The following JRKL variants were observed in gnomAD, a reference collection of about 807,000 sequenced individuals.
JRKL encodes jerky protein homolog-like.
A neutral mutation model predicts 34.7 loss-of-function variants in JRKL; 25 were observed. The ratio of observed to expected loss-of-function variants is 0.72; its 90% confidence interval spans 0.53 to 1.01. JRKL has a LOEUF of 1.01. Among genes scored for constraint, JRKL ranks in the 50% least tolerant of loss-of-function variants. The pLI is 0.00. For missense variants in JRKL, 495 were observed against 615.7 expected (o/e 0.80, Z 2.07); for synonymous variants, 204 against 212.8 (o/e 0.96, Z 0.36).
chr11:96,391,498 G>T lies in JRKL; in HGVS notation c.849G>T (p.Leu283Phe), dbSNP rs1471534302. 3 of 1,552,364 alleles carry T rather than the reference G, an allele frequency of 1.9e-6. No individual in the cohort carries two copies. The highest frequency in any genetic ancestry group is 2.6e-6 in the Non-Finnish European group (3 of 1,147,208). ...GAGAGTATTTAAGATCTAAAGGCTT[G>T]CAGGAAAAGGCTGTGCTCTTGTTGG... is the stretch of plus-strand genomic sequence containing the variant. Reference protein sequence around the residue: ...QVREYLRSKGLQEKAVLLLDN... With the variant: ...QVREYLRSKGFQEKAVLLLDN... Residue 283 changes from leucine to phenylalanine, a missense_variant, in exon 2 of 2, where the codon TTG becomes TTT. Transcript: ENST00000332349.
rs540142504 is a variant in JRKL at position 96,392,819 on chromosome 11, A to T, written c.*595A>T. On this transcript the variant is annotated 3_prime_UTR_variant, in exon 2 of 2. Coordinates refer to ENST00000332349, the MANE Select transcript of JRKL (RefSeq NM_001261833.2). ...AGATTATTCTGGAAATGAAGTAAAT[A>T]TGGGAAGTTATTGCCAAATGAGAGA... 1.2e-5 allele frequency: 2 copies of T among 167,140 alleles called. No homozygotes were observed. The highest frequency in any genetic ancestry group is 3.8e-4 in the East Asian group (2 of 5,196). 10.4% of individuals were successfully genotyped at this position (167,140 alleles called of 1,614,324 possible).
In JRKL at chr11:96,390,840, T is replaced by G. The variant is rs1866511210; in HGVS notation, c.191T>G (p.Leu64Arg). 6.2e-7 allele frequency: 1 copy of G among 1,613,270 alleles called. No individual in the cohort carries two copies. The highest frequency in any genetic ancestry group is 1.1e-5 in the South Asian group (1 of 90,900). Reference sequence around the variant, plus strand: ...GCAAGCAGTTCTGATTCCACAAGTCTTTTGGCCAAGAGGAAATCTATGAAG... The same window carrying G: ...GCAAGCAGTTCTGATTCCACAAGTCGTTTGGCCAAGAGGAAATCTATGAAG... ...TYASSSDSTS[L>R]LAKRKSMKPS... The change falls in exon 2 of 2, where the codon CTT becomes CGT. Residue 64 changes from leucine (L) to arginine (R), a missense_variant. Physicochemically the swap from Leu to Arg is moderately radical, Grantham distance 102. Transcript: ENST00000332349.
In JRKL at chr11:96,391,612, A is replaced by G; in HGVS notation, c.963A>G (p.Ser321=). 6.2e-7 allele frequency: 1 copy of G among 1,613,060 alleles called. No individual in the cohort carries two copies. The highest frequency in any genetic ancestry group is 8.5e-7 in the Non-Finnish European group (1 of 1,179,344). The change falls in exon 2 of 2, where the codon TCA becomes TCG. Residue 321 remains serine (S), a synonymous_variant. Transcript: ENST00000332349. ...FAKYLPPNVA[S]LIQPSDQGVI... ...AATATTTACCACCTAATGTGGCCTC[A>G]TTGATTCAGCCTTCAGATCAGGGAG...
At position 96,391,991 on chromosome 11, in the gene JRKL, GA is replaced by G; in HGVS notation, c.1345del (p.Ile449SerfsTer20). 6.2e-7 allele frequency: 1 copy of G among 1,614,006 alleles called. No homozygotes were observed. ...EPGYEVLTDSEIIRRAQGQAD... is the reference protein window; with the variant it reads ...EPGYEVLTDSXIIRRAQGQAD... The stretch of plus-strand genomic sequence containing the variant: ...AGGCTATGAAGTGTTAACTGATAGC[GA>G]AATCATCAGAAGAGCACAAGGCCAG... On this transcript the variant is annotated frameshift_variant, in exon 2 of 2. Coordinates refer to ENST00000332349, the MANE Select transcript of JRKL (RefSeq NM_001261833.2). LOFTEE classifies it high-confidence loss of function.
At position 96,392,927 on chromosome 11, in the gene JRKL, TTTAGG is replaced by T; in HGVS notation, c.*707_*711del. 6.0e-6 allele frequency: 1 copy of T among 166,832 alleles called. No homozygotes were observed. Among genetic ancestry groups the T allele is most frequent in the Non-Finnish European group, 1.5e-5 (1 of 68,048 alleles). 10.3% of individuals were successfully genotyped at this position (166,832 alleles called of 1,614,324 possible). A position where few individuals can be genotyped will look rare whatever the true frequency, so the allele number is the denominator to read the frequency against. On this transcript the variant is annotated 3_prime_UTR_variant, in exon 2 of 2. Transcript: ENST00000332349. ...ACTGGGAAATAAAAACCTGGGGAAC[TTTAGG>T]TTATTTATACAAAGGGAATAAATAG...
Position 96,390,708 on chromosome 11 carries a change from AGAAACTT to A in JRKL, c.63_69del (p.Leu22ThrfsTer10). The A allele has an allele frequency of 6.2e-7, 1 of 1,606,998 alleles. No homozygotes were observed. The highest frequency in any genetic ancestry group is 8.5e-7 in the Non-Finnish European group (1 of 1,178,170). On this transcript the variant is annotated frameshift_variant, in exon 2 of 2. Coordinates refer to ENST00000332349, the MANE Select transcript of JRKL (RefSeq NM_001261833.2). LOFTEE classifies it low-confidence loss of function (END_TRUNC). The stretch of plus-strand genomic sequence containing the variant: ...ATTAAAGATAAGCTTGATATAATAA[AGAAACTT>A]GAAGACGGAGGTTCTTCCAAACAAC...
Position 96,392,980 on chromosome 11 carries a change from G to T in JRKL, c.*756G>T, listed in dbSNP as rs1223565615. ...TAGGCTGATTTTAATTTGGTAAGTTGATCTTTTTATTATGAATTTGGTAAT... is the reference window on the plus strand; with the variant it reads ...TAGGCTGATTTTAATTTGGTAAGTTTATCTTTTTATTATGAATTTGGTAAT... On this transcript the variant is annotated 3_prime_UTR_variant, in exon 2 of 2. Coordinates refer to ENST00000332349, the MANE Select transcript of JRKL (RefSeq NM_001261833.2). 6.0e-6 allele frequency: 1 copy of T among 166,250 alleles called. No individual in the cohort carries two copies. Among genetic ancestry groups the T allele is most frequent in the Non-Finnish European group, 1.5e-5 (1 of 67,996 alleles). 10.3% of individuals were successfully genotyped at this position (166,250 alleles called of 1,614,324 possible).
In JRKL at chr11:96,390,590, G is replaced by C. The variant is rs1264475472; in HGVS notation, c.-60G>C. On this transcript the variant is annotated 5_prime_UTR_variant, in exon 2 of 2. Coordinates refer to ENST00000332349, the MANE Select transcript of JRKL (RefSeq NM_001261833.2). ...ACTGTTGAAGTGAGCCTGTGTAAGAGAAGGAAGGATTTTGTGGATTGCTAC... is the reference window on the plus strand; with the variant it reads ...ACTGTTGAAGTGAGCCTGTGTAAGACAAGGAAGGATTTTGTGGATTGCTAC... The C allele has an allele frequency of 6.6e-7, 1 of 1,525,518 alleles. No homozygotes were observed. The highest frequency in any genetic ancestry group is 8.8e-7 in the Non-Finnish European group (1 of 1,141,682). 94.5% of individuals were successfully genotyped at this position (1,525,518 alleles called of 1,614,324 possible).
chr11:96,391,799 G>T lies in JRKL; in HGVS notation c.1150G>T (p.Ala384Ser). 1 of 1,614,218 alleles carries T rather than the reference G, an allele frequency of 6.2e-7. No individual in the cohort carries two copies. Among genetic ancestry groups the T allele is most frequent in the Non-Finnish European group, 8.5e-7 (1 of 1,180,030 alleles). The change falls in exon 2 of 2, where the codon GCA becomes TCA. Residue 384 changes from alanine (A) to serine (S), a missense_variant. Physicochemically the swap from Ala to Ser is moderately conservative, Grantham distance 99 (BLOSUM62 1). Transcript: ENST00000332349. ...NLVKPVTISRAWKKILPMVEE... is the reference protein window; with the variant it reads ...NLVKPVTISRSWKKILPMVEE... ...AGTAAAACCAGTTACCATTAGCAGA[G>T]CATGGAAGAAGATTCTCCCTATGGT...
In JRKL at chr11:96,390,402, A is replaced by T. The variant is rs968896018; in HGVS notation, c.-167-81A>T. On this transcript the variant is annotated intron_variant, in intron 1 of 1. Coordinates refer to ENST00000332349, the MANE Select transcript of JRKL (RefSeq NM_001261833.2). ...TTTAATCCGGATTATCCGCGGTGAC[A>T]TGGGGCCTCCGCTACTGCCCGTATA... is the stretch of plus-strand genomic sequence containing the variant. 8 of 401,812 alleles carry T rather than the reference A, an allele frequency of 2.0e-5. No individual in the cohort carries two copies. In the South Asian group the frequency reaches 2.7e-4, roughly 13 times the overall value. 24.9% of individuals were successfully genotyped at this position (401,812 alleles called of 1,614,324 possible).
In JRKL at chr11:96,391,768, G is replaced by A. The variant is rs1168593672; in HGVS notation, c.1119G>A (p.Trp373Ter). ...LDALYEIAMAWNLVKPVTISR... is the reference protein window; with the variant it reads ...LDALYEIAMA ...CACTTTATGAAATAGCAATGGCATG[G>A]AACTTAGTAAAACCAGTTACCATTA... Residue 373 changes from tryptophan (W) to a stop codon, truncating the protein, a stop_gained, in exon 2 of 2, where the codon TGG becomes TGA. Transcript: ENST00000332349. LOFTEE classifies it high-confidence loss of function. 6.2e-7 allele frequency: 1 copy of A among 1,614,180 alleles called. No individual in the cohort carries two copies. The highest frequency in any genetic ancestry group is 2.2e-5 in the East Asian group (1 of 44,880).
Position 96,390,527 on chromosome 11 carries a change from C to T in JRKL, c.-123C>T, listed in dbSNP as rs1312875458. On this transcript the variant is annotated 5_prime_UTR_variant, in exon 2 of 2. Coordinates refer to ENST00000332349, the MANE Select transcript of JRKL (RefSeq NM_001261833.2). ...CAGCCCGGGAGGGGATCAGGGCCAC[C>T]AGGTTGCTGGTAAGGATGAAAGACT... The T allele has an allele frequency of 1.5e-6, 2 of 1,299,434 alleles. No individual in the cohort carries two copies. Among genetic ancestry groups the T allele is most frequent in the African/African-American group, 3.0e-5 (2 of 67,454 alleles). The allele number at this position is 1,299,434 out of a possible 1,614,324, so 80.5% of individuals were successfully genotyped here.
rs1402396472 is a variant in JRKL, at chr11:96,392,891, A to T, written c.*667A>T. On this transcript the variant is annotated 3_prime_UTR_variant, in exon 2 of 2. Coordinates refer to ENST00000332349, the MANE Select transcript of JRKL (RefSeq NM_001261833.2). ...TATAAAGAGGCATTCTGATCAATTC[A>T]TTTGTAGGAAACTGGGAAATAAAAA... 6.0e-6 allele frequency: 1 copy of T among 166,956 alleles called. No individual in the cohort carries two copies. Among genetic ancestry groups the T allele is most frequent in the Admixed American group, 6.5e-5 (1 of 15,284 alleles). The allele number at this position is 166,956 out of a possible 1,614,324, so 10.3% of individuals were successfully genotyped here.
At position 96,392,542 on chromosome 11, in the gene JRKL, C is replaced by G. The variant is rs1273259186; in HGVS notation, c.*318C>G. ...CTAGTGAAAGTTAGAGATAACTGAA[C>G]AGACTGAAGCACTTTTCTGAAATCT... On this transcript the variant is annotated 3_prime_UTR_variant, in exon 2 of 2. Transcript: ENST00000332349. 2 of 202,020 alleles carry G rather than the reference C, an allele frequency of 9.9e-6. No homozygotes were observed. Among genetic ancestry groups the G allele is most frequent in the Admixed American group, 1.1e-4 (2 of 18,022 alleles). 12.5% of individuals were successfully genotyped at this position (202,020 alleles called of 1,614,324 possible). A position where few individuals can be genotyped will look rare whatever the true frequency, so the allele number is the denominator to read the frequency against.
Position 96,390,888 on chromosome 11 carries a change from A to G in JRKL, c.239A>G (p.Asp80Gly). ...AAGCCATCCATGTATGAGGAATTGG[A>G]CAGGGCAATGCTGGAATGGTTCAAC... ...SMKPSMYEEL[D>G]RAMLEWFNQQ... The change falls in exon 2 of 2, where the codon GAC (aspartate) becomes GGC (glycine). Residue 80 changes from aspartate to glycine, a missense_variant. By Grantham distance (94) the Asp-to-Gly change is moderately conservative (BLOSUM62 -1). Transcript: ENST00000332349. 6.2e-7 allele frequency: 1 copy of G among 1,614,214 alleles called. No homozygotes were observed.
In JRKL at chr11:96,391,838, A is replaced by G; in HGVS notation, c.1189A>G (p.Ser397Gly). ...TCTCCCTATGGTAGAGGAGAAAGAG[A>G]GCCTGGACTTTGATGTTGAAGATAT... is the stretch of plus-strand genomic sequence containing the variant. ...KILPMVEEKE[S>G]LDFDVEDISV... Residue 397 changes from serine (S) to glycine (G), a missense_variant, in exon 2 of 2, where the codon AGC becomes GGC. Physicochemically the swap from Ser to Gly is moderately conservative, Grantham distance 56. Transcript: ENST00000332349. The G allele has an allele frequency of 6.2e-7, 1 of 1,614,174 alleles. No homozygotes were observed. The highest frequency in any genetic ancestry group is 8.5e-7 in the Non-Finnish European group (1 of 1,180,012).
chr11:96,391,954 C>A lies in JRKL; in HGVS notation c.1305C>A (p.Asp435Glu). 1 of 1,614,090 alleles carries A rather than the reference C, an allele frequency of 6.2e-7. No homozygotes were observed. Among genetic ancestry groups the A allele is most frequent in the East Asian group, 2.2e-5 (1 of 44,874 alleles). The change falls in exon 2 of 2, where the codon GAC becomes GAA. Residue 435 changes from aspartate to glutamate, a missense_variant. Transcript: ENST00000332349. Reference sequence around the variant, plus strand: ...ACCTTGAAAAATGGCTTGAAGTAGACAGTACTGAACCAGGCTATGAAGTGT... The same window carrying A: ...ACCTTGAAAAATGGCTTGAAGTAGAAAGTACTGAACCAGGCTATGAAGTGT... Reference protein sequence around the residue: ...TENLEKWLEVDSTEPGYEVLT... With the variant: ...TENLEKWLEVESTEPGYEVLT...
chr11:96,391,117 T>G lies in JRKL; in HGVS notation c.468T>G (p.Cys156Trp), dbSNP rs1276093268. The G allele has an allele frequency of 1.2e-5, 19 of 1,613,570 alleles. No individual in the cohort carries two copies. Among genetic ancestry groups the G allele is most frequent in the Non-Finnish European group, 1.6e-5 (19 of 1,179,664 alleles). The change falls in exon 2 of 2, where the codon TGT (cysteine) becomes TGG (tryptophan). Residue 156 changes from cysteine to tryptophan, a missense_variant. By Grantham distance (215) the Cys-to-Trp change is radical. Transcript: ENST00000332349. ...NGDETAVEDF[C>W]NNFRDFIERE... Reference sequence around the variant, plus strand: ...ATGAGACTGCGGTGGAAGATTTTTGTAATAACTTTCGAGATTTTATTGAAC... The same window carrying G: ...ATGAGACTGCGGTGGAAGATTTTTGGAATAACTTTCGAGATTTTATTGAAC...
Position 96,393,295 on chromosome 11 carries a change from A to C in JRKL, c.*1071A>C, listed in dbSNP as rs1267480964. 3 of 166,932 alleles carry C rather than the reference A, an allele frequency of 1.8e-5. No individual in the cohort carries two copies. Among genetic ancestry groups the C allele is most frequent in the African/African-American group, 7.2e-5 (3 of 41,464 alleles). 10.3% of individuals were successfully genotyped at this position (166,932 alleles called of 1,614,324 possible). A position where few individuals can be genotyped will look rare whatever the true frequency, so the allele number is the denominator to read the frequency against. On this transcript the variant is annotated 3_prime_UTR_variant, in exon 2 of 2. Coordinates refer to ENST00000332349, the MANE Select transcript of JRKL (RefSeq NM_001261833.2). ...TATCCTGTTTTATGAAGAAAGCAGAAATAATTACTGAAAGTGCCAGACACT... is the reference window on the plus strand; with the variant it reads ...TATCCTGTTTTATGAAGAAAGCAGACATAATTACTGAAAGTGCCAGACACT...
Sources: gnomAD v4.1 joint callset for allele counts on GRCh38, gnomAD v4.1.1 for gene constraint, MANE v1.5 for transcripts, NCBI Gene and HGNC (gene_info 2026-07-23, HGNC 2026-07-21) for gene names.